Variants in LRBA observed in about 807,000 individuals in gnomAD.
LRBA encodes the protein LPS responsive beige-like anchor protein.
Under a neutral mutation model 330.0 loss-of-function variants are expected in LRBA, and 176 were observed. The ratio of observed to expected loss-of-function variants is 0.53; its 90% CI spans 0.47 to 0.60. The LOEUF (loss-of-function observed/expected upper bound fraction) is 0.60. LRBA is among the 20% of genes least tolerant of loss of function. The pLI, the probability that LRBA is intolerant of heterozygous loss-of-function variation, is 0.00. For synonymous variants in LRBA, 1,230 were observed against 1,193.0 expected, an observed-to-expected ratio of 1.03 and a Z score of -0.64; for missense variants, 3,259 against 3,444.8, an observed-to-expected ratio of 0.95 and a Z score of 1.35.
chr4:150,481,176 T>G (rs928615977), intron 42 of LRBA, among the ~76,000 whole-genome samples: 11 of 152,256 alleles, frequency 7.2e-5, no homozygotes, highest in Middle Eastern at 3.4e-3. Context: ...AGATTCCATG[T>G]TTTTTTATGG....
At chr4:150,636,995 A>G (rs1479261567) in intron 37 of LRBA, among the ~76,000 whole-genome samples, 1 of 152,170 alleles carries the variant, frequency 6.6e-6, no homozygotes, top group African/African-American at 2.4e-5. Flanking sequence ...GGACTAGACT[A>G]AAACATTAAC....
intron 34 of LRBA, among the ~76,000 whole-genome samples, chr4:150,797,284 T>C (rs943410234): frequency 6.6e-6 from 1 of 151,920 alleles, no homozygotes; most frequent in African/African-American, 2.4e-5. Flanking sequence ...GAGTTGTAAA[T>C]GAAGGTCAAA....
At chr4:150,481,259 T>G (rs1757265148) in intron 42 of LRBA, among the ~76,000 whole-genome samples, 1 of 152,080 alleles carries the variant, frequency 6.6e-6, no homozygotes, top group South Asian at 2.1e-4. Flanking sequence ...CACCACTGAT[T>G]CCATCTCTTT....
chr4:150,909,432 A>G (rs1380238514), intron 9 of LRBA, among the ~76,000 whole-genome samples: 2 of 152,130 alleles, frequency 1.3e-5, no homozygotes, highest in Non-Finnish European at 2.9e-5. Flanking sequence ...CAGTTCCTCC[A>G]TGTTTTAGCT....
chr4:150,502,885 A>G (rs1165360360), intron 40 of LRBA, among the ~76,000 whole-genome samples: 1 of 152,358 alleles, frequency 6.6e-6, no homozygotes, highest in African/African-American at 2.4e-5. Context: ...GGCTTAAAAA[A>G]TGGCACACAA....
intron 42 of LRBA, among the ~76,000 whole-genome samples, chr4:150,480,557 T>A (rs1033102087): frequency 6.6e-6 from 1 of 152,148 alleles, no homozygotes; most frequent in African/African-American, 2.4e-5. Context: ...TAGCACATAC[T>A]AAAATGATTG....
At chr4:150,953,173 A>G (rs1225910430) in intron 2 of LRBA, among the ~76,000 whole-genome samples, 1 of 152,204 alleles carries the variant, frequency 6.6e-6, no homozygotes, top group Non-Finnish European at 1.5e-5. Flanking sequence ...AATTAGGGTA[A>G]CTAATCCTTA....
intron 37 of LRBA, among the ~76,000 whole-genome samples, chr4:150,677,784 CACG>C (rs1183743026): frequency 1.4e-5 from 2 of 143,994 alleles, no homozygotes; most frequent in Non-Finnish European, 3.0e-5. Context: ...GCCTAGGTAA[CACG>C]ACAAGATCCC....
chr4:150,312,023 C>CA (rs1731138425), intron 51 of LRBA, among the ~76,000 whole-genome samples: 2 of 152,062 alleles, frequency 1.3e-5, no homozygotes, highest in African/African-American at 4.8e-5. Context: ...TTATTCTTGT[C>CA]AGTGTTTATG....
At position 150,626,026 on chromosome 4, in the gene LRBA, G is replaced by A. The variant is rs1776825208; in HGVS notation, c.5922-26895C>T. ...TTTTTTTTTTGGAAGCTTTCCATGG[G>A]ATTCTAATGTCTAGCCAGGATGAAA... On this transcript the variant is annotated intron_variant, in intron 37 of 56. Coordinates refer to ENST00000651943, the MANE Select transcript of LRBA (RefSeq NM_001364905.1). Among the ~76,000 whole-genome samples, 2 of 151,978 alleles carry A rather than the reference G, an allele frequency of 1.3e-5. 1 individual carries two copies. Among genetic ancestry groups the A allele is most frequent in the South Asian group, 4.2e-4 (2 of 4,812 alleles).
At chr4:150,753,461 T>G (rs1161947696) in intron 35 of LRBA, among the ~76,000 whole-genome samples, 1 of 152,164 alleles carries the variant, frequency 6.6e-6, no homozygotes, top group Non-Finnish European at 1.5e-5. Flanking sequence ...TACACATCCC[T>G]TTTTTCTATA....
At chr4:150,310,790 T>C (rs193238201) in intron 51 of LRBA, 3 of 156,676 alleles carry the variant, frequency 1.9e-5, no homozygotes, top group Admixed American at 6.4e-5. Context: ...CTTTAACATT[T>C]TGTCACAAGG....
intron 2 of LRBA, among the ~76,000 whole-genome samples, chr4:150,936,083 A>G (rs1046382610): frequency 6.6e-6 from 1 of 152,064 alleles, no homozygotes; most frequent in Non-Finnish European, 1.5e-5. Context: ...TGCAAAAAAA[A>G]AATACTAAAT....
intron 53 of LRBA, among the ~76,000 whole-genome samples, chr4:150,297,465 A>G (rs1266656382): frequency 1.3e-5 from 2 of 152,188 alleles, no homozygotes; most frequent in African/African-American, 4.8e-5. Context: ...CCAACATACC[A>G]TTTGAAAACG....
chr4:150,709,570 C>T (rs1785976009), intron 36 of LRBA, among the ~76,000 whole-genome samples: 1 of 151,776 alleles, frequency 6.6e-6, no homozygotes, highest in South Asian at 2.1e-4. Flanking sequence ...AAAAAGAAAT[C>T]AAATGTGTGG....
chr4:150,457,176 C>T (rs1754185229), intron 44 of LRBA, among the ~76,000 whole-genome samples: 3 of 152,036 alleles, frequency 2.0e-5, no homozygotes, highest in African/African-American at 7.2e-5. Flanking sequence ...CTTCCAAAAA[C>T]TTGCTTCAAA....
intron 2 of LRBA, among the ~76,000 whole-genome samples, chr4:150,945,307 CCT>C (rs1178358454): frequency 6.6e-5 from 10 of 152,072 alleles, no homozygotes; most frequent in African/African-American, 1.9e-4. Context: ...TTAGATATAG[CCT>C]AAATATCCAG....
At chr4:150,897,024 G>C (rs962800122) in intron 15 of LRBA, among the ~76,000 whole-genome samples, 17 of 145,460 alleles carry the variant, frequency 1.2e-4, no homozygotes, top group African/African-American at 3.8e-4. Flanking sequence ...AAGAAGAAAA[G>C]AAATTGGAAA....
chr4:150,396,501 C>CAG (rs1561116895), intron 47 of LRBA, among the ~76,000 whole-genome samples: 1 of 151,554 alleles, frequency 6.6e-6, no homozygotes, highest in Non-Finnish European at 1.5e-5. Flanking sequence ...CACACACACA[C>CAG]ACACACACGT....
Sources: gnomAD v4.1 joint callset for allele counts (sites outside exome capture counted in the v4.1 genomes callset) on GRCh38, gnomAD v4.1.1 for gene constraint, MANE v1.5 for transcripts, NCBI Gene and HGNC (gene_info 2026-07-23, HGNC 2026-07-21) for gene names.